Variants in MAP2K5 observed in about 807,000 individuals in gnomAD.
The protein encoded by MAP2K5 is mitogen-activated protein kinase kinase 5, also known as dual specificity mitogen-activated protein kinase kinase 5.
In MAP2K5, 49 loss-of-function variants were observed where a neutral mutation model predicts 83.1. The ratio of observed to expected loss-of-function variants is 0.59; its 90% CI spans 0.47 to 0.75. The LOEUF is 0.75. MAP2K5 is among the 30% of genes least tolerant of loss of function. The probability of loss-of-function intolerance (pLI) is 0.00; values close to 1 mark genes in which losing one functional copy is unlikely to be tolerated. For synonymous variants in MAP2K5, 202 were observed against 191.8 expected (o/e 1.05, Z -0.44); for missense variants, 457 against 557.5 (o/e 0.82, Z 1.82).
intron 3 of MAP2K5, among the ~76,000 whole-genome samples, chr15:67,576,900 T>C (rs2085074874): frequency 6.8e-6 from 1 of 146,254 alleles, no homozygotes; most frequent in Admixed American, 6.8e-5. Flanking sequence ...AGTTTAATTT[T>C]TGAGCCTCAC....
At chr15:67,789,204 G>C (rs2090471657) in intron 21 of MAP2K5, among the ~76,000 whole-genome samples, 11 of 152,070 alleles carry the variant, frequency 7.2e-5, no homozygotes, top group Admixed American at 7.2e-4. Context: ...CTTAATGGCT[G>C]TATAGTATTC....
intron 9 of MAP2K5, among the ~76,000 whole-genome samples, chr15:67,643,062 AG>A (rs2086749062): frequency 6.6e-6 from 1 of 152,204 alleles, no homozygotes; most frequent in African/African-American, 2.4e-5. Context: ...GCCCAACCCA[AG>A]GGATTCTCAT....
chr15:67,622,709 A>G (rs1447708885), intron 8 of MAP2K5, among the ~76,000 whole-genome samples: 1 of 152,228 alleles, frequency 6.6e-6, no homozygotes, highest in East Asian at 1.9e-4. Context: ...GGACAGACAC[A>G]TAAATACTTT....
In MAP2K5 at chr15:67,806,770, A is replaced by G. The variant is rs769736639; in HGVS notation, c.*20A>G. 6 of 1,575,654 alleles carry G rather than the reference A, an allele frequency of 3.8e-6. 1 individual carries two copies. In the South Asian group the frequency reaches 6.9e-5, roughly 18 times the overall value. The stretch of plus-strand genomic sequence containing the variant: ...CCGTGAGGCTGCCGCAGGGCACTGA[A>G]AGCCCAGGACCAGTAACCAAGGAGA... On this transcript the variant is annotated 3_prime_UTR_variant, in exon 22 of 22. Coordinates refer to ENST00000178640, the MANE Select transcript of MAP2K5 (RefSeq NM_145160.3).
chr15:67,754,442 G>A (rs1055826560), intron 19 of MAP2K5, among the ~76,000 whole-genome samples: 1 of 152,068 alleles, frequency 6.6e-6, no homozygotes, highest in East Asian at 1.9e-4. Flanking sequence ...TTACTTCAAG[G>A]GACATTTATT....
intron 9 of MAP2K5, among the ~76,000 whole-genome samples, chr15:67,639,864 A>G (rs2141107002): frequency 6.6e-6 from 1 of 152,250 alleles, no homozygotes; most frequent in Middle Eastern, 3.4e-3. Context: ...ATCTCTACCT[A>G]TCAAAATCTT....
chr15:67,561,092 A>G lies in MAP2K5; in HGVS notation c.185-2191A>G, dbSNP rs1177552012. 6.6e-6 allele frequency among the ~76,000 whole-genome samples: 1 copy of G among 152,126 alleles called. No homozygotes were observed. The highest frequency in any genetic ancestry group is 2.4e-5 in the African/African-American group (1 of 41,436). On this transcript the variant is annotated intron_variant, in intron 2 of 21. Transcript: ENST00000178640. The surrounding 1 kb of genome is among the most constrained non-coding windows in gnomAD (Gnocchi z 4.2). ...TAGTTGCAGAAATGAGATTTATTTTAAAAAAACTACTTTATTCAGGCTGGA... is the reference window on the plus strand; with the variant it reads ...TAGTTGCAGAAATGAGATTTATTTTGAAAAAACTACTTTATTCAGGCTGGA...
chr15:67,712,354 A>G (rs1197427840), intron 16 of MAP2K5, among the ~76,000 whole-genome samples: 1 of 152,236 alleles, frequency 6.6e-6, no homozygotes, highest in African/African-American at 2.4e-5. Flanking sequence ...AGCCCCATCC[A>G]TGAGCACAGT....
rs532200687 is a variant in MAP2K5 at position 67,736,315 on chromosome 15, G to A, written c.1074+8370G>A. Among the ~76,000 whole-genome samples the A allele has an allele frequency of 3.3e-5, 5 of 152,346 alleles. No homozygotes were observed. The South Asian group carries it at 1.0e-3, about 32-fold the overall frequency. On this transcript the variant is annotated intron_variant, in intron 17 of 21. Coordinates refer to ENST00000178640, the MANE Select transcript of MAP2K5 (RefSeq NM_145160.3). The surrounding 1 kb of genome is among the most constrained non-coding windows in gnomAD (Gnocchi z 4.3). The stretch of plus-strand genomic sequence containing the variant: ...GGACAGTTGGCACATGCCCCTGAGG[G>A]GTTCCCTGCCACCCTTTATGAATTT...
intron 21 of MAP2K5, among the ~76,000 whole-genome samples, chr15:67,796,831 G>A (rs1290628147): frequency 6.6e-6 from 1 of 152,222 alleles, no homozygotes; most frequent in Non-Finnish European, 1.5e-5. Context: ...ACAGGAAGTA[G>A]GGTGTCCAGA....
At chr15:67,605,824 GT>G (rs1162223450) in intron 8 of MAP2K5, among the ~76,000 whole-genome samples, 2 of 152,276 alleles carry the variant, frequency 1.3e-5, no homozygotes, top group East Asian at 3.9e-4. Context: ...GCAAGTGGAG[GT>G]TTTAGTGGGG....
In MAP2K5 at chr15:67,793,634, C is replaced by G. The variant is rs965274460; in HGVS notation, c.1243-13012C>G. 4.3e-4 allele frequency among the ~76,000 whole-genome samples: 65 copies of G among 152,274 alleles called. No individual in the cohort carries two copies. Among genetic ancestry groups the G allele is most frequent in the African/African-American group, 1.5e-3 (63 of 41,554 alleles). Reference sequence around the variant, plus strand: ...TACCTAAAATTAAAATGTTCAAGTTCTAGTTTAACTTCCATATTCTTAGTC... The same window carrying G: ...TACCTAAAATTAAAATGTTCAAGTTGTAGTTTAACTTCCATATTCTTAGTC... On this transcript the variant is annotated intron_variant, in intron 21 of 21. Transcript: ENST00000178640. The surrounding 1 kb of genome is among the most constrained non-coding windows in gnomAD (Gnocchi z 4.6).
chr15:67,767,865 ATTT>A (rs900240328), intron 19 of MAP2K5, among the ~76,000 whole-genome samples: 3 of 152,034 alleles, frequency 2.0e-5, no homozygotes, highest in African/African-American at 7.2e-5. Context: ...ACTTGGCAAG[ATTT>A]TATTTCACTC....
At position 67,646,298 on chromosome 15, in the gene MAP2K5, A is replaced by G; in HGVS notation, c.653A>G (p.Lys218Arg). The change falls in exon 10 of 22, where the codon AAG (lysine) becomes AGG (arginine). Residue 218 changes from lysine to arginine, a missense_variant and splice_region_variant. By Grantham distance (26) the Lys-to-Arg change is conservative. Coordinates refer to ENST00000178640, the MANE Select transcript of MAP2K5 (RefSeq NM_145160.3). Reference protein sequence around the residue: ...QIMSELEILYKCDSSYIIGFY... With the variant: ...QIMSELEILYRCDSSYIIGFY... ...ATGTCTGAATTGGAAATTCTTTATAAGGTAATTTTTTCATAATTTTTATTT... is the reference window on the plus strand; with the variant it reads ...ATGTCTGAATTGGAAATTCTTTATAGGGTAATTTTTTCATAATTTTTATTT... 2 of 1,455,714 alleles carry G rather than the reference A, an allele frequency of 1.4e-6. No individual in the cohort carries two copies. The highest frequency in any genetic ancestry group is 1.2e-5 in the South Asian group (1 of 84,074). The allele number at this position is 1,455,714 out of a possible 1,614,324, so 90.2% of individuals were successfully genotyped here. A position where few individuals can be genotyped will look rare whatever the true frequency, so the allele number is the denominator to read the frequency against.
Position 67,721,400 on chromosome 15 carries a change from G to A in MAP2K5, c.1045-6516G>A, listed in dbSNP as rs552997043. Among the ~76,000 whole-genome samples, 10 of 152,174 alleles carry A rather than the reference G, an allele frequency of 6.6e-5. No individual in the cohort carries two copies. The East Asian group carries it at 9.6e-4, about 15-fold the overall frequency. On this transcript the variant is annotated intron_variant, in intron 16 of 21. Coordinates refer to ENST00000178640, the MANE Select transcript of MAP2K5 (RefSeq NM_145160.3). ...TTTTAATATTGGCACCCGTTAAGGC[G>A]CACTCCTGATGGGACCCTCACATTT...
chr15:67,669,736 A>C (rs577422123), intron 13 of MAP2K5, among the ~76,000 whole-genome samples: 1 of 152,138 alleles, frequency 6.6e-6, no homozygotes, highest in East Asian at 1.9e-4. Flanking sequence ...TAAATTGTTA[A>C]CAGTTTAGTA....
Position 67,793,373 on chromosome 15 carries a change from A to G in MAP2K5, c.1243-13273A>G, listed in dbSNP as rs2090551260. Among the ~76,000 whole-genome samples the G allele has an allele frequency of 6.6e-6, 1 of 152,208 alleles. No homozygotes were observed. The highest frequency in any genetic ancestry group is 6.5e-5 in the Admixed American group (1 of 15,286). On this transcript the variant is annotated intron_variant, in intron 21 of 21. Coordinates refer to ENST00000178640, the MANE Select transcript of MAP2K5 (RefSeq NM_145160.3). This position sits in a 1 kb window ranked among gnomAD's most constrained non-coding sequence, Gnocchi z 4.6. The stretch of plus-strand genomic sequence containing the variant: ...AGTATCTCCTGATATTGACACGAGT[A>G]GGGCCATTTGTCCCTAGGCTGGTTG...
chr15:67,710,070 C>T (rs1362584579), intron 16 of MAP2K5, among the ~76,000 whole-genome samples: 1 of 152,184 alleles, frequency 6.6e-6, no homozygotes, highest in Admixed American at 6.5e-5. Flanking sequence ...CTAGGTTGCC[C>T]AGGCTTGCCT....
In MAP2K5 at chr15:67,772,761, ATG is replaced by A. The variant is rs763691125; in HGVS notation, c.1242+11_1242+12del. On this transcript the variant is annotated intron_variant, in intron 21 of 21. Transcript: ENST00000178640. Reference sequence around the variant, plus strand: ...CACCTGAAGAATTGATGGTAAGTGAATGTTTTTAGTTACATTAGAATTCTCAG... The same window carrying A: ...CACCTGAAGAATTGATGGTAAGTGAATTTTTAGTTACATTAGAATTCTCAG... The A allele has an allele frequency of 6.3e-6, 10 of 1,599,978 alleles. No homozygotes were observed. In the Admixed American group the frequency reaches 1.4e-4, roughly 22 times the overall value.
Sources: gnomAD v4.1 joint callset for allele counts (sites outside exome capture counted in the v4.1 genomes callset) on GRCh38, gnomAD v4.1.1 for gene constraint, Gnocchi (gnomAD v3.1) non-coding constraint, MANE v1.5 for transcripts, NCBI Gene and HGNC (gene_info 2026-07-23, HGNC 2026-07-21) for gene names.